C16orf96: variants seen among roughly 807,000 people sequenced by gnomAD.
The protein encoded by C16orf96 is uncharacterized protein C16orf96.
C16orf96 carries 108 observed loss-of-function variants against 103.6 expected under a neutral mutation model. The observed-to-expected ratio is 1.04, with a 90% CI of 0.89 to 1.22. The LOEUF (loss-of-function observed/expected upper bound fraction) is 1.22, where lower values mean the gene tolerates loss of function less well. Ranked by LOEUF, C16orf96 falls within the 50% of genes most tolerant of loss-of-function variation. The pLI is 0.00. For missense variants in C16orf96, 1,586 were observed against 1,464.2 expected (o/e 1.08, Z -1.36); for synonymous variants, 566 against 593.5 (o/e 0.95, Z 0.67).
At chr16:4,551,997 G>A (rs909824027), upstream of C16orf96, among the ~76,000 whole-genome samples, 1 of 152,040 alleles carries the variant, frequency 6.6e-6, no homozygotes, top group African/African-American at 2.4e-5. Context: ...CCACTTATGA[G>A]TGAGAATATG....
intron 6 of C16orf96, among the ~76,000 whole-genome samples, chr16:4,579,604 C>G (rs1056675878): frequency 9.0e-6 from 1 of 110,932 alleles, no homozygotes; most frequent in African/African-American, 3.3e-5. Flanking sequence ...GCACCCTGGT[C>G]TGATACCTTA....
intron 7 of C16orf96, among the ~76,000 whole-genome samples, chr16:4,585,018 G>A (rs1567452768): frequency 6.6e-6 from 1 of 152,144 alleles, no homozygotes; most frequent in Non-Finnish European, 1.5e-5. Flanking sequence ...ATGGTGGCTT[G>A]CACCTATAGT....
chr16:4,575,367 A>G lies in C16orf96; in HGVS notation c.887A>G (p.Gln296Arg). The G allele has an allele frequency of 6.4e-7, 1 of 1,551,120 alleles. No homozygotes were observed. Among genetic ancestry groups the G allele is most frequent in the South Asian group, 1.2e-5 (1 of 84,068 alleles). Residue 296 changes from glutamine to arginine, a missense_variant, in exon 5 of 16, where the codon CAA becomes CGA. Physicochemically the swap from Gln to Arg is conservative, Grantham distance 43. Coordinates refer to ENST00000444310, the MANE Select transcript of C16orf96 (RefSeq NM_001145011.2). The part of the protein sequence containing the change: ...PELLPEGSSA[Q>R]AVSLSRAQEP... ...CTCCTCCCGGAGGGCTCATCTGCCC[A>G]AGCAGTTTCACTCAGCAGAGCCCAG...
the C16orf96 span, among the ~76,000 whole-genome samples, chr16:4,542,283 T>A: frequency 6.6e-6 from 1 of 152,168 alleles, no homozygotes; most frequent in South Asian, 2.1e-4. Context: ...GAGGATCACT[T>A]GAGCCCAGGA....
chr16:4,587,591 C>A (rs1896959493), intron 8 of C16orf96, among the ~76,000 whole-genome samples: 1 of 150,318 alleles, frequency 6.7e-6, no homozygotes, highest in Non-Finnish European at 1.5e-5. Context: ...ACAGGAGGCA[C>A]ATCAACTCCC....
chr16:4,539,718 G>C, the C16orf96 span, among the ~76,000 whole-genome samples: 381 of 152,114 alleles, frequency 2.5e-3, 1 homozygote, highest in Non-Finnish European at 4.2e-3. Context: ...TTACGGTTTA[G>C]GAGTCATGCA....
intron 15 of C16orf96, 42 bp from the exon 16 acceptor site, chr16:4,600,058 G>T: frequency 6.6e-7 from 1 of 1,510,192 alleles, no homozygotes; most frequent in Non-Finnish European, 9.0e-7. Context: ...CTCCCAAGAA[G>T]GTTCTTGGCA....
At chr16:4,569,891 G>A (rs1230646862) in intron 1 of C16orf96, among the ~76,000 whole-genome samples, 2 of 152,028 alleles carry the variant, frequency 1.3e-5, no homozygotes, top group South Asian at 2.1e-4. Context: ...TCACCAGGAG[G>A]ACATGTTGAA....
intron 14 of C16orf96, among the ~76,000 whole-genome samples, chr16:4,597,418 C>T (rs535382337): frequency 6.6e-6 from 1 of 152,368 alleles, no homozygotes; most frequent in African/African-American, 2.4e-5. Context: ...ACATCTGATG[C>T]ACCCAGTCCT....
the C16orf96 span, among the ~76,000 whole-genome samples, chr16:4,540,053 T>G: frequency 6.6e-6 from 1 of 152,224 alleles, no homozygotes; most frequent in East Asian, 1.9e-4. Flanking sequence ...CAGCTCTGTG[T>G]GGATTAAACT....
In C16orf96 at chr16:4,593,314, G is replaced by A. The variant is rs1418052005; in HGVS notation, c.2865G>A (p.Met955Ile). 1 of 1,550,516 alleles carries A rather than the reference G, an allele frequency of 6.4e-7. No individual in the cohort carries two copies. Residue 955 changes from methionine to isoleucine, a missense_variant and splice_region_variant, in exon 12 of 16, where the codon ATG (methionine) becomes ATA (isoleucine). Met to Ile is a conservative substitution (Grantham distance 10). Coordinates refer to ENST00000444310, the MANE Select transcript of C16orf96 (RefSeq NM_001145011.2). The surrounding 1 kb of genome is among the most constrained non-coding windows in gnomAD (Gnocchi z 4.2). ...NSCEYLQRQQ[M>I]REQQWLQLQD... ...GCGAGTACTTGCAGCGGCAACAGAT[G>A]AGGTGAGCAGGATGGGCGCCCCGCA...
chr16:4,550,537 T>C, the C16orf96 span, among the ~76,000 whole-genome samples: 1 of 152,228 alleles, frequency 6.6e-6, no homozygotes, highest in Non-Finnish European at 1.5e-5. Context: ...AACAAAATCA[T>C]GTACTCATTT....
intron 6 of C16orf96, among the ~76,000 whole-genome samples, chr16:4,579,775 C>A (rs1167778312): frequency 6.6e-6 from 1 of 152,054 alleles, no homozygotes; most frequent in Non-Finnish European, 1.5e-5. Flanking sequence ...CCACACCTGG[C>A]TAATTTTTGT....
At chr16:4,599,139 T>C in intron 14 of C16orf96, 145 bp from the exon 15 acceptor site, 1 of 646,034 alleles carries the variant, frequency 1.5e-6, no homozygotes, top group Non-Finnish European at 2.7e-6. Context: ...GGGAAGAACA[T>C]TGATTATCCC....
intron 1 of C16orf96, chr16:4,560,496 G>A (rs913423403): frequency 3.3e-5 from 5 of 151,772 alleles, no homozygotes; most frequent in African/African-American, 9.7e-5. Context: ...CACTAAGCCC[G>A]GCCAATACTA....
chr16:4,550,100 T>C, the C16orf96 span, among the ~76,000 whole-genome samples: 1 of 151,958 alleles, frequency 6.6e-6, no homozygotes, highest in South Asian at 2.1e-4. Flanking sequence ...TTTTTTTTTT[T>C]TTTGAGACAG....
At position 4,574,893 on chromosome 16, in the gene C16orf96, T is replaced by A. The variant is rs2059481494; in HGVS notation, c.607-79T>A. On this transcript the variant is annotated intron_variant, in intron 3 of 15. Transcript: ENST00000444310. The stretch of plus-strand genomic sequence containing the variant: ...GAGGTGCAAGGAGGAGAACACAGCC[T>A]GGAAAGGTTTCTTTGCAGGTGTGGG... 7 of 1,525,560 alleles carry A rather than the reference T, an allele frequency of 4.6e-6. No homozygotes were observed. The East Asian group carries it at 1.7e-4, about 37-fold the overall frequency. 94.5% of individuals were successfully genotyped at this position (1,525,560 alleles called of 1,614,324 possible).
Position 4,575,449 on chromosome 16 carries a change from A to G in C16orf96, c.969A>G (p.Glu323=). 6.5e-7 allele frequency: 1 copy of G among 1,548,984 alleles called. No homozygotes were observed. The highest frequency in any genetic ancestry group is 1.4e-5 in the African/African-American group (1 of 73,144). ...TPESAPGCTT[E]FAPGPAPGTE... is the part of the protein sequence containing the mutation. Reference sequence around the variant, plus strand: ...AGTCTGCACCTGGGTGCACAACTGAATTTGCACCTGGGCCTGCACCTGGGA... The same window carrying G: ...AGTCTGCACCTGGGTGCACAACTGAGTTTGCACCTGGGCCTGCACCTGGGA... Residue 323 remains glutamate (E), a synonymous_variant, in exon 5 of 16, where the codon GAA becomes GAG. Coordinates refer to ENST00000444310, the MANE Select transcript of C16orf96 (RefSeq NM_001145011.2).
At chr16:4,573,490 C>T (rs1289531634) in intron 2 of C16orf96, among the ~76,000 whole-genome samples, 15 of 145,150 alleles carry the variant, frequency 1.0e-4, no homozygotes, top group African/African-American at 3.6e-4. Flanking sequence ...TGGTGGTTCA[C>T]GCCTGTAATC....
Sources: allele counts gnomAD v4.1 joint callset (sites outside exome capture counted in the v4.1 genomes callset), GRCh38; gene constraint gnomAD v4.1.1; non-coding constraint Gnocchi (gnomAD v3.1); transcripts MANE v1.5; gene names NCBI Gene and HGNC (gene_info 2026-07-23, HGNC 2026-07-21).